Variants in CFAP74 observed in about 807,000 individuals in gnomAD.
The protein encoded by CFAP74 is cilia- and flagella-associated protein 74.
In CFAP74, 124 loss-of-function variants were observed where a neutral mutation model predicts 188.9. The ratio of observed to expected loss-of-function variants is 0.66; its 90% CI spans 0.57 to 0.76. The LOEUF is 0.76. Among genes scored for constraint, CFAP74 ranks in the 30% least tolerant of loss-of-function variants. CFAP74 has a pLI of 0.00. For synonymous variants in CFAP74, 956 were observed against 916.7 expected (o/e 1.04, Z -0.77); for missense variants, 2,198 against 2,165.2 (o/e 1.02, Z -0.30).
intron 1 of CFAP74, among the ~76,000 whole-genome samples, chr1:2,001,457 G>A (rs1658204015): frequency 6.6e-6 from 1 of 152,000 alleles, no homozygotes; most frequent in African/African-American, 2.4e-5. Flanking sequence ...AGCCTCCCGA[G>A]TAGCTGGGAC....
intron 6 of CFAP74, among the ~76,000 whole-genome samples, chr1:1,980,841 AC>A (rs1332809464): frequency 6.6e-6 from 1 of 152,106 alleles, no homozygotes; most frequent in Non-Finnish European, 1.5e-5. Flanking sequence ...ACCCTCAGAA[AC>A]CGAGACCCTC....
chr1:1,951,366 G>A (rs1487371784), intron 18 of CFAP74, among the ~76,000 whole-genome samples: 8 of 152,152 alleles, frequency 5.3e-5, no homozygotes, highest in Non-Finnish European at 1.0e-4. Flanking sequence ...CTATATCAGG[G>A]GGCTTATGTT....
intron 14 of CFAP74, among the ~76,000 whole-genome samples, chr1:1,962,659 T>A (rs905671161): frequency 1.3e-5 from 2 of 151,502 alleles, no homozygotes; most frequent in Non-Finnish European, 2.9e-5. Context: ...CTGAGGCAGG[T>A]GGATCACTTG....
intron 8 of CFAP74, 150 bp from the exon 9 acceptor site, chr1:1,972,232 C>A (rs1656136555): frequency 1.5e-6 from 1 of 649,740 alleles, no homozygotes; most frequent in Non-Finnish European, 2.8e-6. Flanking sequence ...AGGCATGCAC[C>A]ACCACAAACG....
intron 1 of CFAP74, among the ~76,000 whole-genome samples, chr1:1,994,401 T>C (rs564110423): frequency 1.3e-5 from 2 of 152,324 alleles, no homozygotes; most frequent in African/African-American, 4.8e-5. Context: ...TAAAAATATT[T>C]TCAGTGCCTA....
chr1:1,942,133 T>G lies in CFAP74; in HGVS notation c.2510A>C (p.Lys837Thr). 2.0e-6 allele frequency: 3 copies of G among 1,525,750 alleles called. No homozygotes were observed. In the South Asian group the frequency reaches 3.6e-5, roughly 18 times the overall value. The allele number at this position is 1,525,750 out of a possible 1,614,324, so 94.5% of individuals were successfully genotyped here. ...CCTCAGCTCCTTGCACACCTCGAAC[T>G]TCAGGCGCAGGGCAGCTTTCGACCT... ...HTRSKAALRLKFEVCKELRAH... is the reference protein window; with the variant it reads ...HTRSKAALRLTFEVCKELRAH... Residue 837 changes from lysine to threonine, a missense_variant, in exon 22 of 39, where the codon AAG becomes ACG. By Grantham distance (78) the Lys-to-Thr change is moderately conservative. Coordinates refer to ENST00000682832, the MANE Select transcript of CFAP74 (RefSeq NM_001304360.2). The surrounding 1 kb of genome is among the most constrained non-coding windows in gnomAD (Gnocchi z 4.3).
Position 1,979,871 on chromosome 1 carries a change from G to A in CFAP74, c.500+5515C>T, listed in dbSNP as rs1292722250. Among the ~76,000 whole-genome samples the A allele has an allele frequency of 6.6e-5, 8 of 122,016 alleles. 2 individuals carry two copies. Among genetic ancestry groups the A allele is most frequent in the East Asian group, 5.0e-4 (2 of 4,008 alleles). The allele number at this position is 122,016 out of a possible 152,430, so 80.0% of individuals were successfully genotyped here. On this transcript the variant is annotated intron_variant, in intron 6 of 38. Transcript: ENST00000682832. ...GGAAGGCGTCACATGACGAAGCTGC[G>A]CAGAACACACGTGTCGTGCTGAGCT...
intron 25 of CFAP74, among the ~76,000 whole-genome samples, chr1:1,936,446 A>C (rs1256362879): frequency 1.3e-5 from 2 of 152,086 alleles, no homozygotes; most frequent in Non-Finnish European, 2.9e-5. Flanking sequence ...CGGGAGGCTG[A>C]GGCAGGAGAA....
chr1:1,934,147 C>T (rs926059769), intron 25 of CFAP74, among the ~76,000 whole-genome samples: 1 of 152,206 alleles, frequency 6.6e-6, no homozygotes, highest in African/African-American at 2.4e-5. Context: ...CCTGAGAAGC[C>T]CCTCAGTACT....
intron 16 of CFAP74, 32 bp from the exon 17 acceptor site, chr1:1,956,816 A>G: frequency 1.9e-6 from 3 of 1,602,696 alleles, no homozygotes; most frequent in Non-Finnish European, 2.6e-6. Flanking sequence ...ACTCAGGGCC[A>G]CCGTGCCAGG....
At chr1:1,959,835 G>A in intron 15 of CFAP74, 129 bp downstream of exon 15, 2 of 717,646 alleles carry the variant, frequency 2.8e-6, no homozygotes, top group Non-Finnish European at 4.4e-6. Flanking sequence ...GCAAAACAGG[G>A]GCCTGCGTGA....
At chr1:1,971,638 TCCCAGCCTGAATC>T (rs1423638956) in intron 9 of CFAP74, among the ~76,000 whole-genome samples, 1 of 152,202 alleles carries the variant, frequency 6.6e-6, no homozygotes, top group East Asian at 1.9e-4. Flanking sequence ...CCCTCCATTT[TCCCAGCCTGAATC>T]CCCAGCCTTG....
chr1:1,986,962 C>T lies in CFAP74; in HGVS notation c.370G>A (p.Ala124Thr), dbSNP rs765833414. 28 of 1,601,202 alleles carry T rather than the reference C, an allele frequency of 1.7e-5. No homozygotes were observed. The highest frequency in any genetic ancestry group is 9.9e-5 in the South Asian group (9 of 90,976). ...KQQEAVAAEI[A>T]TEEEAGNMAA... ...ATGTTGCCCGCCTCTTCCTCTGTGG[C>T]GATCTCGGCTGCCACAGCCTCCTGC... Residue 124 changes from alanine (A) to threonine (T), a missense_variant, in exon 5 of 39, where the codon GCC becomes ACC. Ala to Thr is a moderately conservative substitution (Grantham distance 58). Transcript: ENST00000682832.
chr1:1,955,829 C>T lies in CFAP74; in HGVS notation c.2038G>A (p.Asp680Asn), dbSNP rs773116789. ...GCGGCTTTGTCATACAAGCTTTTAT[C>T]TTCGTAGGTCAGGAGACTGCTCTAG... is the stretch of plus-strand genomic sequence containing the variant. ...LKLSSLLTYE[D>N]KSLYDKAATS... The change falls in exon 18 of 39, where the codon GAT becomes AAT. Residue 680 changes from aspartate (D) to asparagine (N), a missense_variant. Coordinates refer to ENST00000682832, the MANE Select transcript of CFAP74 (RefSeq NM_001304360.2). 1 of 1,613,640 alleles carries T rather than the reference C, an allele frequency of 6.2e-7. No homozygotes were observed.
chr1:1,983,816 G>C (rs1268071986), intron 6 of CFAP74: 1 of 152,120 alleles, frequency 6.6e-6, no homozygotes, highest in Non-Finnish European at 1.5e-5. Flanking sequence ...AGCCTTCCGA[G>C]TAGCTGGGAC....
intron 33 of CFAP74, 81 bp downstream of exon 33, chr1:1,925,702 T>A (rs906684925): frequency 6.7e-7 from 1 of 1,499,484 alleles, no homozygotes; most frequent in African/African-American, 1.4e-5. Flanking sequence ...CGGGTCACTT[T>A]TGACAGCTGG....
At chr1:1,950,186 G>A (rs1239739472) in intron 18 of CFAP74, among the ~76,000 whole-genome samples, 2 of 152,084 alleles carry the variant, frequency 1.3e-5, no homozygotes, top group African/African-American at 4.8e-5. Flanking sequence ...TAATTTAGCT[G>A]TTCTTATAGG....
At chr1:1,946,163 C>T (rs536927890) in intron 20 of CFAP74, among the ~76,000 whole-genome samples, 154 bp downstream of exon 20, 3 of 152,354 alleles carry the variant, frequency 2.0e-5, no homozygotes, top group East Asian at 1.9e-4. Context: ...CGTGTGCGTG[C>T]GTGTGTTGTA....
Position 1,970,909 on chromosome 1 carries a change from A to G in CFAP74, c.889-93T>C, listed in dbSNP as rs1655923052. On this transcript the variant is annotated intron_variant, in intron 9 of 38. Coordinates refer to ENST00000682832, the MANE Select transcript of CFAP74 (RefSeq NM_001304360.2). ...CACATGTGCACACACAGGTTCATAC[A>G]TGCACACGTGCACACACGTGCACAC... 5 of 1,491,398 alleles carry G rather than the reference A, an allele frequency of 3.4e-6. No individual in the cohort carries two copies. The South Asian group carries it at 3.6e-5, about 11-fold the overall frequency. 92.4% of individuals were successfully genotyped at this position (1,491,398 alleles called of 1,614,324 possible).
Sources: allele counts gnomAD v4.1 joint callset (sites outside exome capture counted in the v4.1 genomes callset), GRCh38; gene constraint gnomAD v4.1.1; non-coding constraint Gnocchi (gnomAD v3.1); transcripts MANE v1.5; gene names NCBI Gene and HGNC (gene_info 2026-07-23, HGNC 2026-07-21).